EDA: variants seen among roughly 807,000 people sequenced by gnomAD.
EDA encodes ectodysplasin A, also known as ectodysplasin-A.
A neutral mutation model predicts 23.6 loss-of-function variants in EDA; 2 were observed. The observed-to-expected ratio is 0.08, with a 90% CI of 0.03 to 0.27. The LOEUF is 0.27. Among genes scored for constraint, EDA ranks in the 10% least tolerant of loss-of-function variants. The probability of loss-of-function intolerance (pLI) is 1.00; values close to 1 mark genes in which losing one functional copy is unlikely to be tolerated. For synonymous variants in EDA, 131 were observed against 132.0 expected (o/e 0.99, Z 0.05); for missense variants, 229 against 324.2 (o/e 0.71, Z 2.26).
At chrX:69,617,263 C>T in intron 1 of EDA, 2 of 147,122 alleles carry the variant, frequency 1.4e-5, no homozygotes, top group South Asian at 2.2e-4. Context: ...TGATTGTCCT[C>T]GGCGTTCTAG....
At chrX:69,752,372 A>G (rs748824304) in intron 1 of EDA, among the ~76,000 whole-genome samples, 33 of 111,872 alleles carry the variant, frequency 2.9e-4, no homozygotes, top group African/African-American at 1.1e-3. Context: ...CATATGCTGA[A>G]TTACGTTTAT....
At chrX:69,774,328 C>T (rs1399212131) in intron 1 of EDA, among the ~76,000 whole-genome samples, 1 of 111,641 alleles carries the variant, frequency 9.0e-6, no homozygotes, top group South Asian at 3.7e-4. Flanking sequence ...TCCAGTACTC[C>T]GTCCTGTGAA....
chrX:69,791,645 AT>A (rs1285966624), intron 1 of EDA, among the ~76,000 whole-genome samples: 3 of 109,133 alleles, frequency 2.7e-5, no homozygotes, highest in African/African-American at 9.9e-5. Flanking sequence ...CAACAATTGT[AT>A]TTTTTTTTTC....
chrX:70,014,155 C>G (rs1047000112), intron 2 of EDA, among the ~76,000 whole-genome samples: 6 of 112,081 alleles, frequency 5.4e-5, no homozygotes, highest in Non-Finnish European at 1.1e-4. Flanking sequence ...AGATCTACAG[C>G]CAGCACTCAT....
In EDA at chrX:70,029,485, G is replaced by A. The variant is rs774740976; in HGVS notation, c.707-19G>A. The A allele has an allele frequency of 1.7e-6, 2 of 1,211,412 alleles. No individual in the cohort carries two copies. The highest frequency in any genetic ancestry group is 3.5e-5 in the South Asian group (2 of 57,015). On this transcript the variant is annotated intron_variant, in intron 4 of 7. Coordinates refer to ENST00000374552, the MANE Select transcript of EDA (RefSeq NM_001399.5). ...AGTCAAAAGATTATGCCCTCTGATT[G>A]TCCTATCCTATTTTGCAGGTGCTGC... is the stretch of plus-strand genomic sequence containing the variant.
chrX:69,870,150 G>C (rs1195611703), intron 1 of EDA, among the ~76,000 whole-genome samples: 1 of 111,336 alleles, frequency 9.0e-6, no homozygotes, highest in African/African-American at 3.3e-5. Context: ...AGCTAACCAA[G>C]CAAATAAACT....
chrX:70,025,254 A>G (rs964096297), intron 3 of EDA, among the ~76,000 whole-genome samples: 5 of 111,219 alleles, frequency 4.5e-5, no homozygotes, highest in Non-Finnish European at 9.4e-5. Context: ...TTACATTAGC[A>G]ATTACAGGAG....
intron 1 of EDA, among the ~76,000 whole-genome samples, chrX:69,691,709 C>T (rs1934714495): frequency 9.0e-6 from 1 of 111,296 alleles, no homozygotes; most frequent in Admixed American, 9.6e-5. Flanking sequence ...AAGTAGAGCA[C>T]CATCTCTCAG....
intron 1 of EDA, among the ~76,000 whole-genome samples, chrX:69,883,033 T>C (rs183813147): frequency 9.8e-5 from 11 of 112,166 alleles, no homozygotes. Flanking sequence ...ATGCCAGAAA[T>C]ATAAAATGTG....
intron 1 of EDA, among the ~76,000 whole-genome samples, chrX:69,770,900 G>A (rs1025965007): frequency 7.2e-5 from 8 of 111,210 alleles, no homozygotes; most frequent in Non-Finnish European, 1.5e-4. Context: ...TTGTGTATGG[G>A]TGAAAGTTAG....
chrX:69,829,743 C>T (rs2016560217), intron 1 of EDA, among the ~76,000 whole-genome samples: 1 of 111,628 alleles, frequency 9.0e-6, no homozygotes, highest in Non-Finnish European at 1.9e-5. Context: ...TGAAGATGAC[C>T]ACCTGCTTGC....
chrX:69,915,989 A>G (rs893273224), intron 1 of EDA, among the ~76,000 whole-genome samples: 2 of 112,085 alleles, frequency 1.8e-5, no homozygotes, highest in Non-Finnish European at 3.8e-5. Flanking sequence ...TTGTTGAACA[A>G]GATAGTCTTC....
chrX:69,818,542 C>T (rs1194055747), intron 1 of EDA, among the ~76,000 whole-genome samples: 1 of 111,730 alleles, frequency 9.0e-6, no homozygotes, highest in Non-Finnish European at 1.9e-5. Flanking sequence ...GATATCACCA[C>T]TGACCCCACA....
At chrX:70,005,994 C>A (rs932999851) in intron 2 of EDA, among the ~76,000 whole-genome samples, 2 of 111,971 alleles carry the variant, frequency 1.8e-5, no homozygotes, top group Non-Finnish European at 3.8e-5. Flanking sequence ...AAACTGACTT[C>A]TTTCACTTAG....
chrX:69,694,659 G>A (rs113429224), intron 1 of EDA, among the ~76,000 whole-genome samples: 1,966 of 111,868 alleles, frequency 0.018, 46 homozygotes, highest in African/African-American at 0.061. Flanking sequence ...TCACTACAAC[G>A]TTGATGCAAT....
At position 69,628,917 on chromosome X, in the gene EDA, T is replaced by G. The variant is rs1213750501; in HGVS notation, c.396+12213T>G. Among the ~76,000 whole-genome samples the G allele has an allele frequency of 4.5e-5, 5 of 111,460 alleles. No homozygotes were observed. In the East Asian group the frequency reaches 1.4e-3, roughly 32 times the overall value. ...CCCAACAATGAAAATCTGTGACTCT[T>G]TCTCAGCTCCTTATTACCTCACTCC... On this transcript the variant is annotated intron_variant, in intron 1 of 7. Coordinates refer to ENST00000374552, the MANE Select transcript of EDA (RefSeq NM_001399.5).
chrX:69,861,065 C>T, intron 1 of EDA: 1 of 462,706 alleles, frequency 2.2e-6, no homozygotes, highest in Non-Finnish European at 3.9e-6. Flanking sequence ...AGGCAAAGAA[C>T]TGAGTTTATG....
chrX:69,890,159 C>T (rs1309082464), intron 1 of EDA, among the ~76,000 whole-genome samples: 6 of 111,017 alleles, frequency 5.4e-5, no homozygotes, highest in Non-Finnish European at 7.5e-5. Context: ...CCTAGGAATT[C>T]AGCTAACAAG....
intron 1 of EDA, among the ~76,000 whole-genome samples, chrX:69,761,502 A>T (rs761822181): frequency 2.7e-5 from 3 of 112,238 alleles, no homozygotes; most frequent in Non-Finnish European, 5.6e-5. Flanking sequence ...TAAATGATTA[A>T]CTGACGTTTT....
Sources: allele counts gnomAD v4.1 joint callset (sites outside exome capture counted in the v4.1 genomes callset), GRCh38; gene constraint gnomAD v4.1.1; transcripts MANE v1.5; gene names NCBI Gene and HGNC (gene_info 2026-07-23, HGNC 2026-07-21).